The following PLB1 variants were observed in gnomAD, a reference collection of about 807,000 sequenced individuals.
PLB1 encodes the protein phospholipase B1, membrane-associated.
PLB1 carries 242 observed loss-of-function variants against 227.4 expected under a neutral mutation model. That is an observed-to-expected ratio of 1.06 (90% CI 0.96 to 1.18). The LOEUF is 1.18. Among genes scored for constraint, PLB1 ranks in the 50% most tolerant of loss-of-function variants. The probability of loss-of-function intolerance (pLI) is 0.00; values close to 1 mark genes in which losing one functional copy is unlikely to be tolerated. For synonymous variants in PLB1, 757 were observed against 682.2 expected (o/e 1.11, Z -1.71); for missense variants, 1,858 against 1,816.3 (o/e 1.02, Z -0.42).
At chr2:28,545,355 G>C (rs528590789) in intron 14 of PLB1, among the ~76,000 whole-genome samples, 4 of 152,284 alleles carry the variant, frequency 2.6e-5, no homozygotes, top group South Asian at 4.2e-4. Flanking sequence ...CCAGTCCCTC[G>C]TTTCCTCACA....
Position 28,601,252 on chromosome 2 carries a change from A to G in PLB1, c.2527A>G (p.Arg843Gly). 6.2e-7 allele frequency: 1 copy of G among 1,611,510 alleles called. No homozygotes were observed. Among genetic ancestry groups the G allele is most frequent in the South Asian group, 1.1e-5 (1 of 91,014 alleles). The change falls in exon 37 of 58, where the codon AGA becomes GGA. Residue 843 changes from arginine (R) to glycine (G), a missense_variant and splice_region_variant. Transcript: ENST00000327757. Reference protein sequence around the residue: ...TLMQKMKDDHRVNFHEDWKVI... With the variant: ...TLMQKMKDDHGVNFHEDWKVI... ...CAAGCATTTTCCTCCCTCCATATAG[A>G]GAGTAAATTTCCATGAAGACTGGAA...
intron 56 of PLB1, among the ~76,000 whole-genome samples, chr2:28,638,517 AG>A (rs1478494658): frequency 1.3e-5 from 2 of 152,116 alleles, no homozygotes; most frequent in Non-Finnish European, 2.9e-5. Flanking sequence ...GGACCTGGAA[AG>A]ACCACTAGGA....
At position 28,542,149 on chromosome 2, in the gene PLB1, A is replaced by G. The variant is rs1005576264; in HGVS notation, c.879+338A>G. On this transcript the variant is annotated intron_variant, in intron 13 of 57. Transcript: ENST00000327757. Reference sequence around the variant, plus strand: ...CTCAGTCTCAAAAAAAAAAAAAAAAAGTGTGAAGAGTGTGGTGGGGAGGAG... The same window carrying G: ...CTCAGTCTCAAAAAAAAAAAAAAAAGGTGTGAAGAGTGTGGTGGGGAGGAG... Among the ~76,000 whole-genome samples, 5 of 139,350 alleles carry G rather than the reference A, an allele frequency of 3.6e-5. No individual in the cohort carries two copies. In the East Asian group the frequency reaches 1.1e-3, roughly 30 times the overall value. 91.4% of individuals were successfully genotyped at this position (139,350 alleles called of 152,430 possible).
chr2:28,618,394 C>G lies in PLB1; in HGVS notation c.3310C>G (p.Leu1104Val). ...IKVVAALGDS[L>V]TTAVGARPNN... ...AGTGGTGGCCGCCCTGGGTGACTCT[C>G]TGACTGTGAGTAGTGAGCCATGAAC... is the stretch of plus-strand genomic sequence containing the variant. The change falls in exon 46 of 58, where the codon CTG (leucine) becomes GTG (valine). Residue 1104 changes from leucine to valine, a missense_variant. Transcript: ENST00000327757. 1 of 1,614,110 alleles carries G rather than the reference C, an allele frequency of 6.2e-7. No individual in the cohort carries two copies. The highest frequency in any genetic ancestry group is 1.3e-5 in the African/African-American group (1 of 75,048).
intron 56 of PLB1, among the ~76,000 whole-genome samples, chr2:28,634,056 T>TC (rs1255827611): frequency 6.6e-6 from 1 of 152,160 alleles, no homozygotes; most frequent in East Asian, 1.9e-4. Context: ...TACCATCTCC[T>TC]CCTCTCTAGC....
In PLB1 at chr2:28,620,998, G is replaced by C; in HGVS notation, c.3527+20G>C. The C allele has an allele frequency of 6.3e-7, 1 of 1,584,516 alleles. No homozygotes were observed. The highest frequency in any genetic ancestry group is 8.6e-7 in the Non-Finnish European group (1 of 1,160,356). Reference sequence around the variant, plus strand: ...AGCTAGGTGAGTAGATGCCGTACAGGAGGGCGAGTGGAAGGCAAGACTGAG... The same window carrying C: ...AGCTAGGTGAGTAGATGCCGTACAGCAGGGCGAGTGGAAGGCAAGACTGAG... On this transcript the variant is annotated intron_variant, in intron 49 of 57. Transcript: ENST00000327757.
At chr2:28,530,707 A>G (rs1185801424) in intron 8 of PLB1, among the ~76,000 whole-genome samples, 1 of 152,380 alleles carries the variant, frequency 6.6e-6, no homozygotes, top group East Asian at 1.9e-4. Context: ...AACTGTATCT[A>G]ACTAAGCACT....
In PLB1 at chr2:28,538,322, G is replaced by A; in HGVS notation, c.559G>A (p.Gly187Arg). The A allele has an allele frequency of 6.2e-7, 1 of 1,614,100 alleles. No homozygotes were observed. Residue 187 changes from glycine to arginine, a missense_variant, in exon 10 of 58, where the codon GGG becomes AGG. Gly to Arg is a moderately radical substitution (Grantham distance 125). Transcript: ENST00000327757. ...CYLCPSAQQNGLAAGGVDELM... is the reference protein window; with the variant it reads ...CYLCPSAQQNRLAAGGVDELM... ...TAGCACGGTTCTCCTCTCACAGAAT[G>A]GGCTTGCGGCGGGCGGCGTGGATGA...
At position 28,550,033 on chromosome 2, in the gene PLB1, C is replaced by T. The variant is rs1314403816; in HGVS notation, c.1032C>T (p.Tyr344=). Residue 344 remains tyrosine (Y), a synonymous_variant, in exon 16 of 58, where the codon TAC becomes TAT. Transcript: ENST00000327757. ...PSQESPYLFS[Y]RNSNYLTRLQ... ...AGGAGAGCCCCTATCTGTTCAGCTA[C>T]AGAAACAGCAACTACCTGACCAGAC... 4 of 1,613,506 alleles carry T rather than the reference C, an allele frequency of 2.5e-6. No homozygotes were observed. Among genetic ancestry groups the T allele is most frequent in the Non-Finnish European group, 3.4e-6 (4 of 1,179,504 alleles).
At chr2:28,636,935 C>T (rs115739312) in intron 56 of PLB1, among the ~76,000 whole-genome samples, 1,759 of 152,134 alleles carry the variant, frequency 0.012, 32 homozygotes, top group African/African-American at 0.04. Flanking sequence ...TTCATTTTAT[C>T]GAAACTTATC....
At chr2:28,619,060 C>T (rs1220538996) in intron 46 of PLB1, among the ~76,000 whole-genome samples, 1 of 152,158 alleles carries the variant, frequency 6.6e-6, no homozygotes, top group East Asian at 1.9e-4. Context: ...TTTTTAACTT[C>T]TAAGTTCAGG....
Position 28,582,076 on chromosome 2 carries a change from T to G in PLB1, c.1575T>G (p.Tyr525Ter). ...ACTTCCTCTTCCTGCAGGTCCACTA[T>G]TCTCCCCAGAACTTCACAGACAACA... is the stretch of plus-strand genomic sequence containing the variant. ...LCDFCNDLVH[Y>*]SPQNFTDNIG... is the part of the protein sequence containing the mutation. The change falls in exon 24 of 58, where the codon TAT (tyrosine) becomes TAG (stop). Residue 525 changes from tyrosine to a stop codon, truncating the protein, a stop_gained. Transcript: ENST00000327757. LOFTEE classifies it high-confidence loss of function. 1 of 1,613,594 alleles carries G rather than the reference T, an allele frequency of 6.2e-7. No homozygotes were observed. Among genetic ancestry groups the G allele is most frequent in the East Asian group, 2.2e-5 (1 of 44,868 alleles).
chr2:28,550,108 G>A, intron 16 of PLB1, 24 bp downstream of exon 16: 3 of 1,566,944 alleles, frequency 1.9e-6, no homozygotes, highest in Non-Finnish European at 2.6e-6. Context: ...TTCTGTAATT[G>A]ACAAACATGC....
intron 18 of PLB1, 47 bp downstream of exon 18, chr2:28,563,146 C>T: frequency 6.4e-7 from 1 of 1,553,838 alleles, no homozygotes; most frequent in Non-Finnish European, 8.9e-7. Context: ...AAGATTTTGA[C>T]TAATATGAGA....
At chr2:28,584,088 A>G (rs1476292434) in intron 25 of PLB1, among the ~76,000 whole-genome samples, 4 of 151,850 alleles carry the variant, frequency 2.6e-5, no homozygotes, top group African/African-American at 9.7e-5. Flanking sequence ...ACAGGTCCCC[A>G]CCCCAGCCCT....
rs10618292 is a variant in PLB1, at chr2:28,559,740, CTTTTTTTTTTTTTT to C, written c.1148-3285_1148-3272del. Among the ~76,000 whole-genome samples the C allele has an allele frequency of 7.6e-5, 5 of 66,210 alleles. 1 individual carries two copies. Among genetic ancestry groups the C allele is most frequent in the Non-Finnish European group, 1.0e-4 (4 of 39,524 alleles). 43.4% of individuals were successfully genotyped at this position (66,210 alleles called of 152,430 possible). On this transcript the variant is annotated intron_variant, in intron 17 of 57. Transcript: ENST00000327757. Reference sequence around the variant, plus strand: ...CTGTGTTTCACTGCAGGCCTGAAAGCTTTTTTTTTTTTTTTTTTTTTTTTTTTTTGAGACGGAGT... The same window carrying C: ...CTGTGTTTCACTGCAGGCCTGAAAGCTTTTTTTTTTTTTTTGAGACGGAGT...
chr2:28,552,707 G>A (rs1298633504), intron 16 of PLB1, among the ~76,000 whole-genome samples: 1 of 152,188 alleles, frequency 6.6e-6, no homozygotes, highest in Non-Finnish European at 1.5e-5. Flanking sequence ...CCTGAACTTA[G>A]GTGGAGGCAG....
chr2:28,628,502 T>C, intron 51 of PLB1, 61 bp from the exon 52 acceptor site: 4 of 1,499,916 alleles, frequency 2.7e-6, no homozygotes, highest in Non-Finnish European at 3.7e-6. Context: ...CCTCCTATGC[T>C]CTTGCCATTC....
chr2:28,523,400 A>G (rs1476158412), intron 4 of PLB1, among the ~76,000 whole-genome samples: 1 of 135,344 alleles, frequency 7.4e-6, no homozygotes, highest in Non-Finnish European at 1.5e-5. Flanking sequence ...CAAGGAGGTT[A>G]CAATTCACTC....
Sources: gnomAD v4.1 joint callset for allele counts (sites outside exome capture counted in the v4.1 genomes callset) on GRCh38, gnomAD v4.1.1 for gene constraint, MANE v1.5 for transcripts, NCBI Gene and HGNC (gene_info 2026-07-23, HGNC 2026-07-21) for gene names.